The following HECW1 variants were observed in gnomAD, a reference collection of about 807,000 sequenced individuals.
HECW1 encodes HECT, C2 and WW domain containing E3 ubiquitin protein ligase 1.
HECW1 carries 61 observed loss-of-function variants against 182.3 expected under a neutral mutation model. The observed-to-expected ratio is 0.33, with a 90% CI of 0.27 to 0.41. HECW1 has a LOEUF of 0.41. Among genes scored for constraint, HECW1 ranks in the 10% least tolerant of loss-of-function variants. HECW1 has a pLI of 1.00. For synonymous variants in HECW1, 859 were observed against 832.6 expected (o/e 1.03, Z -0.55); for missense variants, 1,739 against 2,108.9 (o/e 0.82, Z 3.44).
At position 43,307,175 on chromosome 7, in the gene HECW1, C is replaced by T. The variant is rs1251854957; in HGVS notation, c.28-4588C>T. Among the ~76,000 whole-genome samples the T allele has an allele frequency of 3.3e-5, 5 of 152,194 alleles. No individual in the cohort carries two copies. In the East Asian group the frequency reaches 9.7e-4, roughly 29 times the overall value. On this transcript the variant is annotated intron_variant, in intron 3 of 29. Coordinates refer to ENST00000395891, the MANE Select transcript of HECW1 (RefSeq NM_015052.5). ...CTCTCAGAGGCTCACTTATCAGACC[C>T]ATTTTTTCAAGCGTCAACTAAAATC... is the stretch of plus-strand genomic sequence containing the variant.
intron 2 of HECW1, among the ~76,000 whole-genome samples, chr7:43,210,450 A>AGTGTGT (rs57987187): frequency 0.032 from 4,660 of 145,462 alleles, 128 homozygotes; most frequent in East Asian, 0.15. Context: ...AGTAGAAGTG[A>AGTGTGT]GTGTGTGTGT....
chr7:43,387,923 TATAA>T (rs1320946245), intron 6 of HECW1, among the ~76,000 whole-genome samples: 1 of 152,234 alleles, frequency 6.6e-6, no homozygotes, highest in Non-Finnish European at 1.5e-5. Flanking sequence ...ACAAATACAA[TATAA>T]ATAACAACAT....
intron 2 of HECW1, among the ~76,000 whole-genome samples, chr7:43,209,466 A>G (rs1795804387): frequency 6.6e-6 from 1 of 152,118 alleles, no homozygotes; most frequent in Non-Finnish European, 1.5e-5. Context: ...TTTATTTCTC[A>G]GGGGTATCTC....
chr7:43,500,910 A>G, intron 20 of HECW1, 128 bp downstream of exon 20: 5 of 792,452 alleles, frequency 6.3e-6, no homozygotes, highest in Non-Finnish European at 1.1e-5. Flanking sequence ...AGTAACTGCA[A>G]CGCAAGTGGG....
chr7:43,282,426 G>A (rs1213368611), intron 3 of HECW1, among the ~76,000 whole-genome samples: 1 of 152,222 alleles, frequency 6.6e-6, no homozygotes. Context: ...CTGTAAAGTC[G>A]TTTCCAGCCC....
chr7:43,427,270 G>A (rs2076392425), intron 8 of HECW1, among the ~76,000 whole-genome samples: 1 of 152,114 alleles, frequency 6.6e-6, no homozygotes, highest in Non-Finnish European at 1.5e-5. Flanking sequence ...ACAGAGGGAG[G>A]TGCCACAGTC....
rs1187689176 is a variant in HECW1, at chr7:43,113,951, A to G, written c.-266-206A>G. 5 of 282,900 alleles carry G rather than the reference A, an allele frequency of 1.8e-5. No individual in the cohort carries two copies. The East Asian group carries it at 2.8e-4, about 16-fold the overall frequency. 17.5% of individuals were successfully genotyped at this position (282,900 alleles called of 1,614,324 possible). A position where few individuals can be genotyped will look rare whatever the true frequency, so the allele number is the denominator to read the frequency against. The stretch of plus-strand genomic sequence containing the variant: ...CAGCGCGTAGGGGGAGCTGGCAGGG[A>G]CACAGGCTGCAGAGATGCCCGGCTT... On this transcript the variant is annotated intron_variant, in intron 1 of 29. Coordinates refer to ENST00000395891, the MANE Select transcript of HECW1 (RefSeq NM_015052.5).
chr7:43,356,698 C>G (rs1287359030), intron 5 of HECW1, among the ~76,000 whole-genome samples: 1 of 152,184 alleles, frequency 6.6e-6, no homozygotes, highest in Non-Finnish European at 1.5e-5. Context: ...AGTATCTTCT[C>G]TGACCACAAA....
chr7:43,163,795 A>T (rs1209350599), intron 2 of HECW1, among the ~76,000 whole-genome samples: 1 of 152,156 alleles, frequency 6.6e-6, no homozygotes, highest in Non-Finnish European at 1.5e-5. Context: ...ACCACTGAGA[A>T]ATGGTGGAGA....
intron 8 of HECW1, among the ~76,000 whole-genome samples, chr7:43,422,158 G>A (rs2076204023): frequency 6.6e-6 from 1 of 152,052 alleles, no homozygotes; most frequent in South Asian, 2.1e-4. Context: ...GCCATTAAAA[G>A]TAATGGCCAA....
intron 17 of HECW1, among the ~76,000 whole-genome samples, chr7:43,485,123 C>A (rs1392356768): frequency 2.6e-5 from 4 of 152,152 alleles, no homozygotes; most frequent in African/African-American, 9.7e-5. Context: ...AAAAGCTTGA[C>A]AGTGACTGCC....
chr7:43,257,976 A>C (rs149347812), intron 3 of HECW1, among the ~76,000 whole-genome samples: 1 of 152,210 alleles, frequency 6.6e-6, no homozygotes, highest in African/African-American at 2.4e-5. Context: ...AATCCTATGA[A>C]TCTGATATTG....
At chr7:43,340,420 C>T (rs1300079752) in intron 5 of HECW1, among the ~76,000 whole-genome samples, 1 of 151,016 alleles carries the variant, frequency 6.6e-6, no homozygotes, top group Non-Finnish European at 1.5e-5. Flanking sequence ...GGGGGTTCAC[C>T]ATATTGGCTA....
In HECW1 at chr7:43,565,994, G is replaced by C; in HGVS notation, c.*4068G>C. ...AAGGAATGTCAATAAACTCACTTTG[G>C]TATGGCATTGTGTATGCTCCTTATT... On this transcript the variant is annotated 3_prime_UTR_variant, in exon 30 of 30. Transcript: ENST00000395891. The C allele has an allele frequency of 5.3e-6, 1 of 187,286 alleles. No homozygotes were observed. The highest frequency in any genetic ancestry group is 8.5e-5 in the East Asian group (1 of 11,782). 11.6% of individuals were successfully genotyped at this position (187,286 alleles called of 1,614,324 possible).
intron 2 of HECW1, among the ~76,000 whole-genome samples, chr7:43,120,951 C>T (rs1785546109): frequency 6.6e-6 from 1 of 152,108 alleles, no homozygotes; most frequent in African/African-American, 2.4e-5. Flanking sequence ...CACGCCTGGG[C>T]AGATAAAACC....
chr7:43,336,003 CCTTTCT>C (rs1291973735), intron 5 of HECW1, among the ~76,000 whole-genome samples: 5 of 120,814 alleles, frequency 4.1e-5, no homozygotes, highest in South Asian at 5.7e-4. Context: ...CTCCTTCCTT[CCTTTCT>C]CTTTCTCTTT....
At chr7:43,232,664 A>T (rs761503673) in intron 2 of HECW1, among the ~76,000 whole-genome samples, 6 of 152,208 alleles carry the variant, frequency 3.9e-5, no homozygotes, top group Non-Finnish European at 7.3e-5. Flanking sequence ...GGTGAAACTC[A>T]TGATACCTCT....
At chr7:43,521,458 C>T (rs2080469878) in intron 24 of HECW1, among the ~76,000 whole-genome samples, 1 of 152,240 alleles carries the variant, frequency 6.6e-6, no homozygotes, top group Admixed American at 6.5e-5. Context: ...AAAAGTATTT[C>T]TGTAGGCCTA....
intron 8 of HECW1, among the ~76,000 whole-genome samples, chr7:43,435,186 T>C (rs1392260367): frequency 6.6e-6 from 1 of 151,596 alleles, no homozygotes; most frequent in African/African-American, 2.4e-5. Flanking sequence ...GTTAAACTAT[T>C]ATATGTGCAT....
Sources: allele counts gnomAD v4.1 joint callset (sites outside exome capture counted in the v4.1 genomes callset), GRCh38; gene constraint gnomAD v4.1.1; transcripts MANE v1.5; gene names NCBI Gene and HGNC (gene_info 2026-07-23, HGNC 2026-07-21).